SYTL1: variants seen among roughly 807,000 people sequenced by gnomAD.
SYTL1 encodes the protein synaptotagmin-like protein 1.
In SYTL1, 53 loss-of-function variants were observed where a neutral mutation model predicts 74.6. The ratio of observed to expected loss-of-function variants is 0.71; its 90% CI spans 0.57 to 0.89. The LOEUF (loss-of-function observed/expected upper bound fraction) is 0.89. Ranked by LOEUF, SYTL1 falls within the 40% of genes least tolerant of loss-of-function variation. The pLI, the probability that SYTL1 is intolerant of heterozygous loss-of-function variation, is 0.00. For synonymous variants in SYTL1, 329 were observed against 324.9 expected, an observed-to-expected ratio of 1.01 and a Z score of -0.14; for missense variants, 728 against 768.7, an observed-to-expected ratio of 0.95 and a Z score of 0.63.
chr1:27,351,483 T>C lies in SYTL1; in HGVS notation c.1271T>C (p.Leu424Pro), dbSNP rs1309292984. ...EGAGLPPSGE[L>P]HFWVKEARDL... is the part of the protein sequence containing the mutation. ...GCAGGACTGCCCCCGAGCGGGGAGCTGCACTTCTGGGTGAAGGAGGCTCGG... is the reference window on the plus strand; with the variant it reads ...GCAGGACTGCCCCCGAGCGGGGAGCCGCACTTCTGGGTGAAGGAGGCTCGG... Residue 424 changes from leucine to proline, a missense_variant, in exon 13 of 15, where the codon CTG becomes CCG. Physicochemically the swap from Leu to Pro is moderately conservative, Grantham distance 98. Transcript: ENST00000616558. The surrounding 1 kb of genome is among the most constrained non-coding windows in gnomAD (Gnocchi z 5.0). The C allele has an allele frequency of 1.3e-6, 2 of 1,547,970 alleles. No individual in the cohort carries two copies. Among genetic ancestry groups the C allele is most frequent in the South Asian group, 1.2e-5 (1 of 83,752 alleles).
At position 27,347,059 on chromosome 1, in the gene SYTL1, T is replaced by C. The variant is rs959851991; in HGVS notation, c.192-362T>C. ...ATCACTTGAGCCTGGAAGGTGAAGG[T>C]TGCAGTGAGCTGAGATTGCGCCACA... On this transcript the variant is annotated intron_variant, in intron 2 of 14. Transcript: ENST00000616558. The surrounding 1 kb of genome is among the most constrained non-coding windows in gnomAD (Gnocchi z 4.9). 6.6e-6 allele frequency among the ~76,000 whole-genome samples: 1 copy of C among 151,004 alleles called. No individual in the cohort carries two copies. Among genetic ancestry groups the C allele is most frequent in the Non-Finnish European group, 1.5e-5 (1 of 67,674 alleles).
chr1:27,350,852 G>A lies in SYTL1; in HGVS notation c.1064G>A (p.Arg355His), dbSNP rs2015237951. ...GRVLSLSVWH[R>H]ESLGRNIFLG... is the part of the protein sequence containing the mutation. Reference sequence around the variant, plus strand: ...GTGCTGAGCCTGTCTGTGTGGCACCGCGAAAGCCTGGGTCGCAACATCTTT... The same window carrying A: ...GTGCTGAGCCTGTCTGTGTGGCACCACGAAAGCCTGGGTCGCAACATCTTT... The change falls in exon 11 of 15, where the codon CGC (arginine) becomes CAC (histidine). Residue 355 changes from arginine to histidine, a missense_variant. By Grantham distance (29) the Arg-to-His change is conservative (BLOSUM62 0). Coordinates refer to ENST00000616558, the MANE Select transcript of SYTL1 (RefSeq NM_001193308.2). This position sits in a 1 kb window ranked among gnomAD's most constrained non-coding sequence, Gnocchi z 6.3. 5 of 1,613,686 alleles carry A rather than the reference G, an allele frequency of 3.1e-6. No individual in the cohort carries two copies. The highest frequency in any genetic ancestry group is 1.7e-5 in the Admixed American group (1 of 60,000).
At position 27,349,429 on chromosome 1, in the gene SYTL1, C is replaced by T; in HGVS notation, c.564C>T (p.Ala188=). Residue 188 remains alanine, a synonymous_variant, in exon 7 of 15, where the codon GCC becomes GCT. Transcript: ENST00000616558. ...GCCAAGGAGACCAACAGGTCTGTGC[C>T]GAGGAGGCTGACCCGGAGCTGGAGC... ...DPGQGDQQVC[A]EEADPELEPA... 1 of 1,453,132 alleles carries T rather than the reference C, an allele frequency of 6.9e-7. No individual in the cohort carries two copies. The allele number at this position is 1,453,132 out of a possible 1,614,324, so 90.0% of individuals were successfully genotyped here.
intron 8 of SYTL1, 24 bp downstream of exon 8, chr1:27,349,789 G>A (rs752202617): frequency 6.4e-7 from 1 of 1,570,756 alleles, no homozygotes; most frequent in South Asian, 1.1e-5. Context: ...GAGGGGACCC[G>A]GGCGGCCGGG....
At position 27,342,739 on chromosome 1, in the gene SYTL1, C is replaced by G. The variant is rs563558058; in HGVS notation, c.-39+589C>G. Among the ~76,000 whole-genome samples, 121 of 152,220 alleles carry G rather than the reference C, an allele frequency of 7.9e-4. No individual in the cohort carries two copies. Among genetic ancestry groups the G allele is most frequent in the Middle Eastern group, 3.2e-3 (1 of 316 alleles). ...GACACAAAGACACACAGCAACTACA[C>G]AGCTCACAGACTCACGCAACGCAGA... On this transcript the variant is annotated intron_variant, in intron 1 of 14. Coordinates refer to ENST00000616558, the MANE Select transcript of SYTL1 (RefSeq NM_001193308.2). This position sits in a 1 kb window ranked among gnomAD's most constrained non-coding sequence, Gnocchi z 4.7.
chr1:27,350,708 C>T lies in SYTL1; in HGVS notation c.1006-86C>T. 5 of 1,495,572 alleles carry T rather than the reference C, an allele frequency of 3.3e-6. No homozygotes were observed. Among genetic ancestry groups the T allele is most frequent in the South Asian group, 2.5e-5 (2 of 80,888 alleles). 92.6% of individuals were successfully genotyped at this position (1,495,572 alleles called of 1,614,324 possible). ...CCCCAGAATTCCATCATGGTAGGAA[C>T]GCGGTAGGACCTGCCTCAGCCAACT... On this transcript the variant is annotated intron_variant, in intron 10 of 14. Transcript: ENST00000616558. The surrounding 1 kb of genome is among the most constrained non-coding windows in gnomAD (Gnocchi z 6.3).
At position 27,347,429 on chromosome 1, in the gene SYTL1, G is replaced by A. The variant is rs762786293; in HGVS notation, c.200G>A (p.Arg67Gln). ...QLEEGRVSKL[R>Q]ASVADPGQLK... ...CCTCCCCCTTCCTCCAGCAAGCTCCGGGCCTCAGTGGCAGACCCTGGGCAG... is the reference window on the plus strand; with the variant it reads ...CCTCCCCCTTCCTCCAGCAAGCTCCAGGCCTCAGTGGCAGACCCTGGGCAG... Residue 67 changes from arginine (R) to glutamine (Q), a missense_variant, in exon 3 of 15, where the codon CGG (arginine) becomes CAG (glutamine). Arg to Gln is a conservative substitution (Grantham distance 43). Coordinates refer to ENST00000616558, the MANE Select transcript of SYTL1 (RefSeq NM_001193308.2). The surrounding 1 kb of genome is among the most constrained non-coding windows in gnomAD (Gnocchi z 4.9). 9.4e-5 allele frequency: 152 copies of A among 1,614,030 alleles called. 2 individuals carry two copies. The highest frequency in any genetic ancestry group is 9.1e-4 in the South Asian group (83 of 91,088).
Position 27,353,323 on chromosome 1 carries a change from A to G in SYTL1, c.1384A>G (p.Thr462Ala). Residue 462 changes from threonine (T) to alanine (A), a missense_variant, in exon 14 of 15, where the codon ACA becomes GCA. Physicochemically the swap from Thr to Ala is moderately conservative, Grantham distance 58 (BLOSUM62 0). Coordinates refer to ENST00000616558, the MANE Select transcript of SYTL1 (RefSeq NM_001193308.2). The part of the protein sequence containing the change: ...PDDSQASRQR[T>A]RVVRRSLSPV... ...TGACAGCCAGGCCAGCCGCCAGCGTACAAGGGTTGTGCGACGCAGCCTCAG... is the reference window on the plus strand; with the variant it reads ...TGACAGCCAGGCCAGCCGCCAGCGTGCAAGGGTTGTGCGACGCAGCCTCAG... 1 of 1,607,666 alleles carries G rather than the reference A, an allele frequency of 6.2e-7. No homozygotes were observed. Among genetic ancestry groups the G allele is most frequent in the Non-Finnish European group, 8.5e-7 (1 of 1,177,360 alleles).
At position 27,353,877 on chromosome 1, in the gene SYTL1, C is replaced by T. The variant is rs922759402; in HGVS notation, c.*25C>T. On this transcript the variant is annotated 3_prime_UTR_variant, in exon 15 of 15. Transcript: ENST00000616558. ...GCCCCACCAAGCCTCTCTCTCTGGACCCCCATCTCAGGGCCTGCCCTTGGC... is the reference window on the plus strand; with the variant it reads ...GCCCCACCAAGCCTCTCTCTCTGGATCCCCATCTCAGGGCCTGCCCTTGGC... The T allele has an allele frequency of 5.0e-6, 8 of 1,603,820 alleles. No homozygotes were observed. Among genetic ancestry groups the T allele is most frequent in the South Asian group, 1.1e-5 (1 of 90,586 alleles).
rs2015292150 is a variant in SYTL1 at position 27,351,879 on chromosome 1, G to A, written c.1343+324G>A. On this transcript the variant is annotated intron_variant, in intron 13 of 14. Coordinates refer to ENST00000616558, the MANE Select transcript of SYTL1 (RefSeq NM_001193308.2). This position sits in a 1 kb window ranked among gnomAD's most constrained non-coding sequence, Gnocchi z 5.0. ...TATAGTTCAGTGTAAGCTTCTAGGG[G>A]ACTTCTAGGGGTGCCTCCAGGTGCT... is the stretch of plus-strand genomic sequence containing the variant. 2 of 269,068 alleles carry A rather than the reference G, an allele frequency of 7.4e-6. No homozygotes were observed. Among genetic ancestry groups the A allele is most frequent in the Non-Finnish European group, 1.4e-5 (2 of 143,796 alleles). 16.7% of individuals were successfully genotyped at this position (269,068 alleles called of 1,614,324 possible). A position where few individuals can be genotyped will look rare whatever the true frequency, so the allele number is the denominator to read the frequency against.
Position 27,353,886 on chromosome 1 carries a change from C to A in SYTL1, c.*34C>A. The A allele has an allele frequency of 6.3e-7, 1 of 1,599,096 alleles. No homozygotes were observed. Among genetic ancestry groups the A allele is most frequent in the Non-Finnish European group, 8.6e-7 (1 of 1,168,892 alleles). The stretch of plus-strand genomic sequence containing the variant: ...AGCCTCTCTCTCTGGACCCCCATCT[C>A]AGGGCCTGCCCTTGGCTAAAGTCAA... On this transcript the variant is annotated 3_prime_UTR_variant, in exon 15 of 15. Coordinates refer to ENST00000616558, the MANE Select transcript of SYTL1 (RefSeq NM_001193308.2).
rs1479063750 is a variant in SYTL1, at chr1:27,345,565, C to T, written c.191+40C>T. 1.4e-6 allele frequency: 2 copies of T among 1,396,066 alleles called. No homozygotes were observed. Among genetic ancestry groups the T allele is most frequent in the Non-Finnish European group, 2.0e-6 (2 of 1,021,778 alleles). The allele number at this position is 1,396,066 out of a possible 1,614,324, so 86.5% of individuals were successfully genotyped here. A position where few individuals can be genotyped will look rare whatever the true frequency, so the allele number is the denominator to read the frequency against. ...ACCCTGGCCGGGGAGCACCAAGAGG[C>T]TTGAGTGGCCCCCATCCTGCTCCCT... is the stretch of plus-strand genomic sequence containing the variant. On this transcript the variant is annotated intron_variant, in intron 2 of 14. Coordinates refer to ENST00000616558, the MANE Select transcript of SYTL1 (RefSeq NM_001193308.2). This position sits in a 1 kb window ranked among gnomAD's most constrained non-coding sequence, Gnocchi z 6.0.
chr1:27,345,819 G>A lies in SYTL1; in HGVS notation c.191+294G>A, dbSNP rs1173168654. 2.0e-5 allele frequency among the ~76,000 whole-genome samples: 3 copies of A among 147,590 alleles called. No individual in the cohort carries two copies. The highest frequency in any genetic ancestry group is 4.5e-5 in the Non-Finnish European group (3 of 67,136). On this transcript the variant is annotated intron_variant, in intron 2 of 14. Transcript: ENST00000616558. The surrounding 1 kb of genome is among the most constrained non-coding windows in gnomAD (Gnocchi z 6.0). ...TCTTGAGACAGAGTTTCATTTTTTC[G>A]CCCAGGCTGGAGTGAAGTGGCACAA... is the stretch of plus-strand genomic sequence containing the variant.
rs1000709032 is a variant in SYTL1, at chr1:27,342,259, A to C, written c.-39+109A>C. ...CCTTGGGGTTGGGGGAGGTGGGCAC[A>C]TGTCTGGAACTGGAACAGCTGGACA... On this transcript the variant is annotated intron_variant, in intron 1 of 14. Transcript: ENST00000616558. The surrounding 1 kb of genome is among the most constrained non-coding windows in gnomAD (Gnocchi z 4.7). The C allele has an allele frequency of 1.1e-6, 1 of 883,818 alleles. No individual in the cohort carries two copies. The highest frequency in any genetic ancestry group is 1.4e-6 in the Non-Finnish European group (1 of 737,382). The allele number at this position is 883,818 out of a possible 1,614,324, so 54.7% of individuals were successfully genotyped here. A position where few individuals can be genotyped will look rare whatever the true frequency, so the allele number is the denominator to read the frequency against.
rs2015198024 is a variant in SYTL1, at chr1:27,350,154, C to T, written c.908+22C>T. On this transcript the variant is annotated intron_variant, in intron 9 of 14. Transcript: ENST00000616558. The surrounding 1 kb of genome is among the most constrained non-coding windows in gnomAD (Gnocchi z 6.3). ...ACCCGTGAGTGCCCCGCCGGCCAAG[C>T]GGGGCGCGGCTGTCACAGCCCAGCC... 1.4e-6 allele frequency: 2 copies of T among 1,401,434 alleles called. No individual in the cohort carries two copies. The highest frequency in any genetic ancestry group is 7.1e-5 in the Admixed American group (2 of 28,362). 86.8% of individuals were successfully genotyped at this position (1,401,434 alleles called of 1,614,324 possible). A position where few individuals can be genotyped will look rare whatever the true frequency, so the allele number is the denominator to read the frequency against.
At position 27,342,292 on chromosome 1, in the gene SYTL1, A is replaced by G. The variant is rs1365593939; in HGVS notation, c.-39+142A>G. Reference sequence around the variant, plus strand: ...AACTGGAACAGCTGGACAGATGGACAGACCCTCCTCTTGACCAATGGGTCT... The same window carrying G: ...AACTGGAACAGCTGGACAGATGGACGGACCCTCCTCTTGACCAATGGGTCT... On this transcript the variant is annotated intron_variant, in intron 1 of 14. Transcript: ENST00000616558. The surrounding 1 kb of genome is among the most constrained non-coding windows in gnomAD (Gnocchi z 4.7). 1 of 982,480 alleles carries G rather than the reference A, an allele frequency of 1.0e-6. No individual in the cohort carries two copies. Among genetic ancestry groups the G allele is most frequent in the Non-Finnish European group, 1.2e-6 (1 of 827,354 alleles). The allele number at this position is 982,480 out of a possible 1,614,324, so 60.9% of individuals were successfully genotyped here.
chr1:27,346,587 A>AC (rs1273784655), intron 2 of SYTL1, among the ~76,000 whole-genome samples: 1 of 151,638 alleles, frequency 6.6e-6, no homozygotes, highest in Non-Finnish European at 1.5e-5. Context: ...ACACAGTGAG[A>AC]CCCCATTCCT....
At chr1:27,349,180 C>G (rs771449538) in intron 6 of SYTL1, 28 bp downstream of exon 6, 1 of 1,607,502 alleles carries the variant, frequency 6.2e-7, no homozygotes, top group East Asian at 2.2e-5. Flanking sequence ...TTGGGGAGCA[C>G]GGAGAGGTTT....
rs979609095 is a variant in SYTL1, at chr1:27,348,300, G to C, written c.459+288G>C. Among the ~76,000 whole-genome samples the C allele has an allele frequency of 6.6e-6, 1 of 152,198 alleles. No homozygotes were observed. The highest frequency in any genetic ancestry group is 1.5e-5 in the Non-Finnish European group (1 of 67,996). On this transcript the variant is annotated intron_variant, in intron 5 of 14. Coordinates refer to ENST00000616558, the MANE Select transcript of SYTL1 (RefSeq NM_001193308.2). The surrounding 1 kb of genome is among the most constrained non-coding windows in gnomAD (Gnocchi z 4.1). ...TAAGGGGTGAAGTGGGGCCAGGCAC[G>C]GTGGCTCATGCCTGTAATCCCAGCA... is the stretch of plus-strand genomic sequence containing the variant.
Sources: allele counts gnomAD v4.1 joint callset (sites outside exome capture counted in the v4.1 genomes callset), GRCh38; gene constraint gnomAD v4.1.1; non-coding constraint Gnocchi (gnomAD v3.1); transcripts MANE v1.5; gene names NCBI Gene and HGNC (gene_info 2026-07-23, HGNC 2026-07-21).